Variants in NDFIP2 observed in about 807,000 individuals in gnomAD.
NDFIP2 encodes Nedd4 family interacting protein 2.
Under a neutral mutation model 36.0 loss-of-function variants are expected in NDFIP2, and 19 were observed. The ratio of observed to expected loss-of-function variants is 0.53; its 90% confidence interval spans 0.37 to 0.77. The LOEUF is 0.77. NDFIP2 is among the 30% of genes least tolerant of loss of function. The pLI, the probability that NDFIP2 is intolerant of heterozygous loss-of-function variation, is 0.00. For missense variants in NDFIP2, 446 were observed against 435.8 expected, an observed-to-expected ratio of 1.02 and a Z score of -0.21; for synonymous variants, 181 against 167.7, an observed-to-expected ratio of 1.08 and a Z score of -0.61.
At chr13:79,523,361 C>T (rs1874661680) in intron 2 of NDFIP2, among the ~76,000 whole-genome samples, 1 of 152,148 alleles carries the variant, frequency 6.6e-6, no homozygotes, top group South Asian at 2.1e-4. Context: ...GCTGGGATTA[C>T]AGGCATGTGC....
rs116562947 is a variant in NDFIP2 at position 79,555,476 on chromosome 13, A to G, written c.*2963A>G. ...ACCAAGAAGCAACTACCTTAGCTCC[A>G]CTGCCCTTTGAGGGATGGAACTGGG... On this transcript the variant is annotated 3_prime_UTR_variant, in exon 8 of 8. Transcript: ENST00000218652. The G allele has an allele frequency of 2.2e-3, 331 of 151,880 alleles. 1 individual carries two copies. Among genetic ancestry groups the G allele is most frequent in the African/African-American group, 7.8e-3 (323 of 41,446 alleles). The allele number at this position is 151,880 out of a possible 1,614,324, so 9.4% of individuals were successfully genotyped here. A position where few individuals can be genotyped will look rare whatever the true frequency, so the allele number is the denominator to read the frequency against.
In NDFIP2 at chr13:79,512,223, A is replaced by C. The variant is rs527432431; in HGVS notation, c.322-8587A>C. 2.0e-5 allele frequency among the ~76,000 whole-genome samples: 3 copies of C among 152,332 alleles called. No homozygotes were observed. In the East Asian group the frequency reaches 5.8e-4, roughly 29 times the overall value. ...AGTTACCATTATCATTATATTGTCA[A>C]TGCCTTTGTTGGATAGAATACTACT... On this transcript the variant is annotated intron_variant, in intron 1 of 7. Coordinates refer to ENST00000218652, the MANE Select transcript of NDFIP2 (RefSeq NM_019080.3).
chr13:79,501,208 T>G (rs915957679), intron 1 of NDFIP2, among the ~76,000 whole-genome samples: 21 of 152,014 alleles, frequency 1.4e-4, no homozygotes, highest in African/African-American at 5.1e-4. Context: ...TTTAGGACAG[T>G]GAAAGTACTC....
At chr13:79,550,482 A>G (rs1380649584) in intron 6 of NDFIP2, among the ~76,000 whole-genome samples, 1 of 151,688 alleles carries the variant, frequency 6.6e-6, no homozygotes, top group African/African-American at 2.4e-5. Context: ...ATAATTAAAA[A>G]TATGTACATA....
chr13:79,542,720 T>C (rs1250238511), intron 4 of NDFIP2, among the ~76,000 whole-genome samples: 1 of 152,130 alleles, frequency 6.6e-6, no homozygotes, highest in Non-Finnish European at 1.5e-5. Flanking sequence ...ATTGATGTCT[T>C]ATTCTGTCCA....
intron 1 of NDFIP2, among the ~76,000 whole-genome samples, chr13:79,494,638 A>C (rs914424081): frequency 3.3e-5 from 5 of 151,962 alleles, no homozygotes; most frequent in South Asian, 4.1e-4. Flanking sequence ...CAGCTATCAT[A>C]CTGAGACTTT....
At chr13:79,495,129 G>A (rs146379013) in intron 1 of NDFIP2, among the ~76,000 whole-genome samples, 56 of 151,812 alleles carry the variant, frequency 3.7e-4, no homozygotes, top group African/African-American at 1.3e-3. Flanking sequence ...AATTTCTTGA[G>A]ACTTTTTTAT....
intron 3 of NDFIP2, among the ~76,000 whole-genome samples, chr13:79,536,140 T>C (rs1362816675): frequency 6.6e-6 from 1 of 152,240 alleles, no homozygotes; most frequent in Non-Finnish European, 1.5e-5. Flanking sequence ...AAATGACAAC[T>C]CATTGTTAAT....
chr13:79,510,799 G>T, intron 1 of NDFIP2, among the ~76,000 whole-genome samples: 1 of 151,996 alleles, frequency 6.6e-6, no homozygotes, highest in Non-Finnish European at 1.5e-5. Flanking sequence ...AGGAGTTCGA[G>T]ACCAGCCTGG....
chr13:79,544,307 T>C (rs1006835384), intron 5 of NDFIP2, among the ~76,000 whole-genome samples: 1 of 152,152 alleles, frequency 6.6e-6, no homozygotes, highest in African/African-American at 2.4e-5. Flanking sequence ...TTCCCTGAAG[T>C]CACCCCCTGC....
chr13:79,552,299 A>C (rs532411056), intron 7 of NDFIP2, among the ~76,000 whole-genome samples: 1 of 151,406 alleles, frequency 6.6e-6, no homozygotes, highest in African/African-American at 2.4e-5. Context: ...ATTGTCTTCT[A>C]TGCATTTTGA....
intron 2 of NDFIP2, among the ~76,000 whole-genome samples, chr13:79,521,812 T>A (rs1279305909): frequency 6.6e-6 from 1 of 151,286 alleles, no homozygotes; most frequent in Non-Finnish European, 1.5e-5. Flanking sequence ...TTTTATTTGG[T>A]TTTCGTTTTG....
intron 2 of NDFIP2, among the ~76,000 whole-genome samples, chr13:79,523,487 C>T (rs976755289): frequency 2.4e-4 from 36 of 151,990 alleles, no homozygotes; most frequent in South Asian, 8.3e-4. Flanking sequence ...CCCAAAGTGC[C>T]GGGATTACAG....
At chr13:79,495,427 C>G (rs562255621) in intron 1 of NDFIP2, among the ~76,000 whole-genome samples, 2 of 151,852 alleles carry the variant, frequency 1.3e-5, no homozygotes, top group African/African-American at 2.4e-5. Context: ...GTCTTCAAGT[C>G]TATTTTACAT....
intron 2 of NDFIP2, among the ~76,000 whole-genome samples, chr13:79,522,002 G>T (rs1486751406): frequency 6.6e-6 from 1 of 151,616 alleles, no homozygotes; most frequent in South Asian, 2.1e-4. Context: ...TTTCATTTTT[G>T]TATTCTTAGT....
At chr13:79,485,009 T>C (rs1872909399) in intron 1 of NDFIP2, among the ~76,000 whole-genome samples, 1 of 152,038 alleles carries the variant, frequency 6.6e-6, no homozygotes, top group South Asian at 2.1e-4. Flanking sequence ...TGTTTCACGG[T>C]TTCTGGCAAA....
Position 79,539,667 on chromosome 13 carries a change from G to A in NDFIP2, c.622-15G>A. ...GTAATTTTTAGTGAGCTATTCCAAT[G>A]TTACATATTTACAGATTCAGGAGGA... On this transcript the variant is annotated splice_polypyrimidine_tract_variant and intron_variant, in intron 3 of 7. Transcript: ENST00000218652. The A allele has an allele frequency of 6.2e-7, 1 of 1,603,478 alleles. No individual in the cohort carries two copies. The highest frequency in any genetic ancestry group is 8.5e-7 in the Non-Finnish European group (1 of 1,170,652).
intron 1 of NDFIP2, among the ~76,000 whole-genome samples, chr13:79,492,945 A>T (rs985399665): frequency 1.3e-5 from 2 of 151,964 alleles, no homozygotes; most frequent in Non-Finnish European, 2.9e-5. Flanking sequence ...CTATATTTAG[A>T]TGTTATTTTC....
intron 1 of NDFIP2, among the ~76,000 whole-genome samples, chr13:79,510,447 T>C (rs1303206721): frequency 6.6e-6 from 1 of 151,744 alleles, no homozygotes; most frequent in African/African-American, 2.4e-5. Context: ...TACTTCCCCA[T>C]TGCCTTCCGA....
Sources: gnomAD v4.1 joint callset for allele counts (sites outside exome capture counted in the v4.1 genomes callset) on GRCh38, gnomAD v4.1.1 for gene constraint, MANE v1.5 for transcripts, NCBI Gene and HGNC (gene_info 2026-07-23, HGNC 2026-07-21) for gene names.